PIK3AP1: variants seen among roughly 807,000 people sequenced by gnomAD.
PIK3AP1 encodes phosphoinositide-3-kinase adaptor protein 1.
A neutral mutation model predicts 88.1 loss-of-function variants in PIK3AP1; 21 were observed. The ratio of observed to expected loss-of-function variants is 0.24; its 90% confidence interval spans 0.17 to 0.34. The LOEUF is 0.34. Ranked by LOEUF, PIK3AP1 falls within the 10% of genes least tolerant of loss-of-function variation. PIK3AP1 has a pLI of 1.00. For missense variants in PIK3AP1, 828 were observed against 1,035.7 expected, an observed-to-expected ratio of 0.80 and a Z score of 2.75; for synonymous variants, 398 against 400.0, an observed-to-expected ratio of 1.00 and a Z score of 0.06.
intron 2 of PIK3AP1, among the ~76,000 whole-genome samples, chr10:96,699,494 G>C (rs1044031041): frequency 6.6e-6 from 1 of 151,984 alleles, no homozygotes; most frequent in African/African-American, 2.4e-5. Context: ...AATTACTGCA[G>C]CTGCTAAAAA....
intron 8 of PIK3AP1, among the ~76,000 whole-genome samples, chr10:96,630,445 T>G (rs1843229528): frequency 6.6e-6 from 1 of 152,230 alleles, no homozygotes; most frequent in Non-Finnish European, 1.5e-5. Flanking sequence ...GCCTAATTCA[T>G]TCTTTAAAAA....
intron 11 of PIK3AP1, among the ~76,000 whole-genome samples, chr10:96,621,926 A>G (rs897086055): frequency 6.6e-6 from 1 of 152,156 alleles, no homozygotes; most frequent in Non-Finnish European, 1.5e-5. Context: ...ATTCCCTTAT[A>G]TTGCCAAATG....
intron 2 of PIK3AP1, among the ~76,000 whole-genome samples, chr10:96,667,553 T>C (rs1392281136): frequency 2.0e-5 from 3 of 152,196 alleles, no homozygotes; most frequent in African/African-American, 7.2e-5. Context: ...GTGTGTGCTG[T>C]AAGGCAACCT....
At chr10:96,629,516 G>C (rs1265761574) in intron 8 of PIK3AP1, among the ~76,000 whole-genome samples, 7 of 151,906 alleles carry the variant, frequency 4.6e-5, no homozygotes. Flanking sequence ...CAATATACTA[G>C]ATAATTAATA....
chr10:96,690,393 G>A (rs994305047), intron 2 of PIK3AP1, among the ~76,000 whole-genome samples: 1 of 152,076 alleles, frequency 6.6e-6, no homozygotes, highest in African/African-American at 2.4e-5. Flanking sequence ...CTCCTGAGTA[G>A]CTGGGACTAT....
intron 2 of PIK3AP1, among the ~76,000 whole-genome samples, chr10:96,660,021 G>C (rs927363857): frequency 6.6e-6 from 1 of 151,916 alleles, no homozygotes; most frequent in Non-Finnish European, 1.5e-5. Context: ...TTATATTAAA[G>C]TTATTAAAAA....
At chr10:96,618,372 C>G (rs1194507049) in intron 12 of PIK3AP1, among the ~76,000 whole-genome samples, 1 of 152,188 alleles carries the variant, frequency 6.6e-6, no homozygotes, top group African/African-American at 2.4e-5. Context: ...CTGGTACATA[C>G]AGGATGATGG....
At chr10:96,696,756 C>T (rs996366945) in intron 2 of PIK3AP1, among the ~76,000 whole-genome samples, 2 of 152,174 alleles carry the variant, frequency 1.3e-5, no homozygotes, top group African/African-American at 2.4e-5. Context: ...ACTCCTAAGA[C>T]TCAACTTGAG....
intron 7 of PIK3AP1, among the ~76,000 whole-genome samples, chr10:96,648,200 C>A (rs978523824): frequency 1.3e-5 from 2 of 152,124 alleles, no homozygotes; most frequent in African/African-American, 4.8e-5. Flanking sequence ...GGCCTGAAGG[C>A]GGGTGAGGCA....
At chr10:96,637,331 C>CACAA (rs1843325674) in intron 8 of PIK3AP1, among the ~76,000 whole-genome samples, 1 of 151,188 alleles carries the variant, frequency 6.6e-6, no homozygotes, top group South Asian at 2.1e-4. Flanking sequence ...CACACACACA[C>CACAA]ACACACACAC....
Position 96,709,614 on chromosome 10 carries a change from T to C in PIK3AP1, c.383A>G (p.Asp128Gly). ...AGCTGCCACGTAGGTCTCTGGCTCA[T>C]CGTCACAGGTGAGCTCCTGCCAATG... The part of the protein sequence containing the change: ...WAHWQELTCD[D>G]EPETYVAAVK... Residue 128 changes from aspartate (D) to glycine (G), a missense_variant, in exon 2 of 17, where the codon GAT becomes GGT. Around this residue, in one of 3 missense-constraint regions of PIK3AP1, gnomAD observed 610 missense variants for 760.1 expected, o/e 0.80. Transcript: ENST00000339364. The C allele has an allele frequency of 3.7e-6, 6 of 1,614,034 alleles. No individual in the cohort carries two copies. The highest frequency in any genetic ancestry group is 1.1e-5 in the South Asian group (1 of 91,062).
chr10:96,660,914 G>A (rs1185923583), intron 2 of PIK3AP1, among the ~76,000 whole-genome samples: 1 of 152,182 alleles, frequency 6.6e-6, no homozygotes, highest in Non-Finnish European at 1.5e-5. Flanking sequence ...GTCAGGCATG[G>A]TGGCTCACCC....
intron 1 of PIK3AP1, among the ~76,000 whole-genome samples, chr10:96,716,283 TTAAATAAA>T (rs556728068): frequency 1.6e-4 from 25 of 151,838 alleles, no homozygotes; most frequent in Admixed American, 6.6e-4. Context: ...CCCTGTCTCA[TTAAATAAA>T]TAAATAAATA....
intron 2 of PIK3AP1, among the ~76,000 whole-genome samples, chr10:96,704,364 T>C (rs1844336119): frequency 6.6e-6 from 1 of 152,192 alleles, no homozygotes; most frequent in Non-Finnish European, 1.5e-5. Flanking sequence ...CTTAGACCCC[T>C]TGTTTGTACT....
intron 8 of PIK3AP1, among the ~76,000 whole-genome samples, chr10:96,641,487 G>A (rs1843388861): frequency 1.3e-5 from 2 of 152,132 alleles, no homozygotes; most frequent in African/African-American, 4.8e-5. Flanking sequence ...TCCTTAATAT[G>A]GTTATTTTCA....
In PIK3AP1 at chr10:96,623,185, CT is replaced by C. The variant is rs201766940; in HGVS notation, c.1735+286del. Among the ~76,000 whole-genome samples, 15 of 152,190 alleles carry C rather than the reference CT, an allele frequency of 9.9e-5. 1 individual carries two copies. In the East Asian group the frequency reaches 2.9e-3, roughly 29 times the overall value. On this transcript the variant is annotated intron_variant, in intron 11 of 16. Transcript: ENST00000339364. ...GTGCCACACTAAAGTATCCTTGGAT[CT>C]CTCTAATTAATTAAATAATTTATTT...
chr10:96,641,247 G>C (rs1168712047), intron 8 of PIK3AP1, among the ~76,000 whole-genome samples: 1 of 152,114 alleles, frequency 6.6e-6, no homozygotes, highest in Non-Finnish European at 1.5e-5. Context: ...AACACTGGGA[G>C]CTTCCCCTAT....
At chr10:96,605,774 G>A (rs573122912) in intron 14 of PIK3AP1, among the ~76,000 whole-genome samples, 1 of 152,184 alleles carries the variant, frequency 6.6e-6, no homozygotes, top group East Asian at 1.9e-4. Flanking sequence ...ATAATCCAGG[G>A]GATGCAGAAA....
intron 8 of PIK3AP1, among the ~76,000 whole-genome samples, chr10:96,635,008 C>A (rs1418624195): frequency 6.6e-6 from 1 of 152,208 alleles, no homozygotes; most frequent in Non-Finnish European, 1.5e-5. Context: ...CTGATGCCGT[C>A]TCTCTGGTCT....
Sources: allele counts gnomAD v4.1 joint callset (sites outside exome capture counted in the v4.1 genomes callset), GRCh38; gene constraint gnomAD v4.1.1; regional missense constraint gnomAD v4.1.1; transcripts MANE v1.5; gene names NCBI Gene and HGNC (gene_info 2026-07-23, HGNC 2026-07-21).